Variants in TAFA4 observed in about 807,000 individuals in gnomAD.
TAFA4 encodes TAFA chemokine like family member 4.
Under a neutral mutation model 21.1 loss-of-function variants are expected in TAFA4, and 20 were observed. The ratio of observed to expected loss-of-function variants is 0.95; its 90% CI spans 0.67 to 1.38. The LOEUF is 1.38. TAFA4 is among the 40% of genes most tolerant of loss of function. The pLI, the probability that TAFA4 is intolerant of heterozygous loss-of-function variation, is 0.00. For synonymous variants in TAFA4, 71 were observed against 67.4 expected, an observed-to-expected ratio of 1.05 and a Z score of -0.26; for missense variants, 211 against 180.9, an observed-to-expected ratio of 1.17 and a Z score of -0.95.
At chr3:68,876,078 T>C (rs2089546435) in intron 3 of TAFA4, among the ~76,000 whole-genome samples, 1 of 152,214 alleles carries the variant, frequency 6.6e-6, no homozygotes, top group Non-Finnish European at 1.5e-5. Context: ...ACCTAACTCA[T>C]TATTAGTTCA....
At chr3:68,870,440 T>C (rs1213967802) in intron 3 of TAFA4, among the ~76,000 whole-genome samples, 4 of 152,072 alleles carry the variant, frequency 2.6e-5, no homozygotes, top group Admixed American at 6.6e-5. Context: ...TCACACTACT[T>C]GACTTCAAAA....
chr3:68,857,013 T>C (rs1164679490), intron 3 of TAFA4, among the ~76,000 whole-genome samples: 1 of 152,074 alleles, frequency 6.6e-6, no homozygotes, highest in African/African-American at 2.4e-5. Flanking sequence ...ACACGCAGGG[T>C]AGAGGATTTG....
chr3:68,863,078 A>C (rs1055160838), intron 3 of TAFA4, among the ~76,000 whole-genome samples: 39 of 151,708 alleles, frequency 2.6e-4, no homozygotes, highest in Non-Finnish European at 4.7e-4. Context: ...TACAAAAAAA[A>C]AAAAAAAAAA....
chr3:68,734,197 T>TGAAGATTA (rs1382432993), intron 5 of TAFA4, among the ~76,000 whole-genome samples: 4 of 152,182 alleles, frequency 2.6e-5, no homozygotes, highest in Non-Finnish European at 5.9e-5. Flanking sequence ...TCTTCATGCA[T>TGAAGATTA]TCTGAAATAT....
At chr3:68,842,452 C>A (rs989655775) in intron 3 of TAFA4, among the ~76,000 whole-genome samples, 31 of 152,280 alleles carry the variant, frequency 2.0e-4, no homozygotes, top group South Asian at 6.2e-4. Context: ...AGCCCTTTGT[C>A]AGGTGGATGG....
At chr3:68,779,997 G>T (rs555031476) in intron 3 of TAFA4, among the ~76,000 whole-genome samples, 2 of 152,318 alleles carry the variant, frequency 1.3e-5, no homozygotes, top group East Asian at 3.9e-4. Flanking sequence ...CAAGGCTGTG[G>T]GAGCCCACCT....
In TAFA4 at chr3:68,880,638, C is replaced by G. The variant is rs1220943270; in HGVS notation, c.130+92G>C. 5 of 1,008,680 alleles carry G rather than the reference C, an allele frequency of 5.0e-6. No individual in the cohort carries two copies. In the East Asian group the frequency reaches 1.2e-4, roughly 24 times the overall value. 62.5% of individuals were successfully genotyped at this position (1,008,680 alleles called of 1,614,324 possible). On this transcript the variant is annotated intron_variant, in intron 3 of 5. Coordinates refer to ENST00000295569, the MANE Select transcript of TAFA4 (RefSeq NM_182522.5). ...CTAGTTATTTACACACCATCAGAAG[C>G]TCACATCAGTTATCTGTGTCTAAAA...
chr3:68,832,050 T>C (rs1017111499), intron 3 of TAFA4, among the ~76,000 whole-genome samples: 2 of 151,236 alleles, frequency 1.3e-5, no homozygotes, highest in African/African-American at 4.9e-5. Flanking sequence ...AGCTCTTCTC[T>C]ACACTGGTTA....
chr3:68,833,718 C>T (rs1704454656), intron 3 of TAFA4, among the ~76,000 whole-genome samples: 1 of 152,050 alleles, frequency 6.6e-6, no homozygotes, highest in Non-Finnish European at 1.5e-5. Context: ...CCACTCTTAG[C>T]CCCCTATCCA....
At chr3:68,927,786 T>G (rs889557915) in intron 1 of TAFA4, among the ~76,000 whole-genome samples, 6 of 151,616 alleles carry the variant, frequency 4.0e-5, no homozygotes, top group Non-Finnish European at 7.4e-5. Context: ...TAGTTCTAGC[T>G]ACTCAGGAGG....
At chr3:68,756,422 G>A (rs1364151443) in intron 3 of TAFA4, among the ~76,000 whole-genome samples, 2 of 152,236 alleles carry the variant, frequency 1.3e-5, no homozygotes, top group African/African-American at 4.8e-5. Context: ...AGGTTTCCCT[G>A]AGGATTCCCA....
intron 3 of TAFA4, among the ~76,000 whole-genome samples, chr3:68,789,993 A>G (rs1416826019): frequency 1.3e-5 from 2 of 152,252 alleles, no homozygotes; most frequent in Non-Finnish European, 2.9e-5. Context: ...TCAATGAAGG[A>G]AGAACAACAA....
chr3:68,770,548 C>T (rs1353911845), intron 3 of TAFA4, among the ~76,000 whole-genome samples: 1 of 152,158 alleles, frequency 6.6e-6, no homozygotes, highest in Non-Finnish European at 1.5e-5. Flanking sequence ...AGTTTTCAAA[C>T]TAGGGTATGT....
chr3:68,805,929 C>T (rs1703688870), intron 3 of TAFA4, among the ~76,000 whole-genome samples: 1 of 151,920 alleles, frequency 6.6e-6, no homozygotes, highest in African/African-American at 2.4e-5. Context: ...ACATTGTGCA[C>T]ATGTACCCTA....
At position 68,732,060 on chromosome 3, in the gene TAFA4, A is replaced by C. The variant is rs763191470; in HGVS notation, c.*1082T>G. 6.6e-6 allele frequency: 1 copy of C among 152,602 alleles called. No homozygotes were observed. The highest frequency in any genetic ancestry group is 1.5e-5 in the Non-Finnish European group (1 of 68,032). The allele number at this position is 152,602 out of a possible 1,614,324, so 9.5% of individuals were successfully genotyped here. ...ACATTATACATCTAAAATCTGGGTC[A>C]GTCATTCTTCATCTGTTTCATACGT... On this transcript the variant is annotated 3_prime_UTR_variant, in exon 6 of 6. Transcript: ENST00000295569.
intron 1 of TAFA4, 63 bp from the exon 2 acceptor site, chr3:68,885,373 T>A (rs1391133399): frequency 2.4e-5 from 14 of 575,602 alleles, no homozygotes; most frequent in Non-Finnish European, 4.3e-5. Flanking sequence ...AAAATGAAAC[T>A]AATTTCCAGT....
At chr3:68,826,599 C>T (rs1704246060) in intron 3 of TAFA4, among the ~76,000 whole-genome samples, 2 of 149,710 alleles carry the variant, frequency 1.3e-5, no homozygotes, top group South Asian at 4.2e-4. Flanking sequence ...AAGGTTAACT[C>T]AGAAAGATAT....
chr3:68,832,160 C>T (rs1384862447), intron 3 of TAFA4, among the ~76,000 whole-genome samples: 1 of 151,784 alleles, frequency 6.6e-6, no homozygotes, highest in East Asian at 1.9e-4. Context: ...TTATTACCCA[C>T]CTTCTGAAGC....
rs1367645767 is a variant in TAFA4 at position 68,752,819 on chromosome 3, T to G, written c.286+44A>C. 4 of 1,613,632 alleles carry G rather than the reference T, an allele frequency of 2.5e-6. No homozygotes were observed. In the African/African-American group the frequency reaches 5.3e-5, roughly 22 times the overall value. On this transcript the variant is annotated intron_variant, in intron 4 of 5. Coordinates refer to ENST00000295569, the MANE Select transcript of TAFA4 (RefSeq NM_182522.5). ...AAGTAGGGAAATTCCTGGTGGGTTT[T>G]GGCCTTTTTGAAATACCAGAGATGC...
Sources: allele counts gnomAD v4.1 joint callset (sites outside exome capture counted in the v4.1 genomes callset), GRCh38; gene constraint gnomAD v4.1.1; transcripts MANE v1.5; gene names NCBI Gene and HGNC (gene_info 2026-07-23, HGNC 2026-07-21).